Variants in GPR161 observed in about 807,000 individuals in gnomAD.
GPR161 encodes the protein G-protein coupled receptor RE2.
A neutral mutation model predicts 39.2 loss-of-function variants in GPR161; 25 were observed. The observed-to-expected ratio is 0.64, with a 90% CI of 0.47 to 0.89. The LOEUF is 0.89. Among genes scored for constraint, GPR161 ranks in the 40% least tolerant of loss-of-function variants. GPR161 has a pLI of 0.00. For missense variants in GPR161, 547 were observed against 677.8 expected (o/e 0.81, Z 2.14); for synonymous variants, 286 against 276.6 (o/e 1.03, Z -0.34).
Position 168,090,677 on chromosome 1 carries a change from C to G in GPR161, c.1100-9G>C. The stretch of plus-strand genomic sequence containing the variant: ...TGGGGACAGGCCCAGGTCTGAAAGA[C>G]AAAATTGGCATTGACAACACAATCA... On this transcript the variant is annotated splice_polypyrimidine_tract_variant and intron_variant, in intron 3 of 5. Coordinates refer to ENST00000682931, the MANE Select transcript of GPR161 (RefSeq NM_001375883.1). The G allele has an allele frequency of 1.9e-6, 3 of 1,546,838 alleles. No individual in the cohort carries two copies. The highest frequency in any genetic ancestry group is 2.7e-6 in the Non-Finnish European group (3 of 1,123,944).
chr1:168,135,884 A>G, intron 1 of GPR161: 4 of 316,114 alleles, frequency 1.3e-5, no homozygotes, highest in Non-Finnish European at 1.9e-5. Flanking sequence ...GCACTTTGCA[A>G]AAGGGATGAA....
At chr1:168,100,637 T>C (rs946345511) in intron 2 of GPR161, among the ~76,000 whole-genome samples, 1 of 152,210 alleles carries the variant, frequency 6.6e-6, no homozygotes, top group African/African-American at 2.4e-5. Context: ...TAGTAAGTTG[T>C]CTTCAGTGAA....
chr1:168,095,079 A>T (rs34192847), intron 3 of GPR161, among the ~76,000 whole-genome samples: 31,460 of 152,266 alleles, frequency 0.21, 3,971 homozygotes, highest in Admixed American at 0.37. Context: ...CAGGAAGGGC[A>T]CATCGCCCCT....
In GPR161 at chr1:168,123,651, T is replaced by C. The variant is rs954754200; in HGVS notation, c.-45+13088A>G. Among the ~76,000 whole-genome samples the C allele has an allele frequency of 2.6e-5, 4 of 151,750 alleles. 1 individual carries two copies. Among genetic ancestry groups the C allele is most frequent in the Non-Finnish European group, 5.9e-5 (4 of 67,976 alleles). ...TGGTGGAAAGCTATCCATTCTCCAA[T>C]ACAAAGGGACAGACTCAGCTGTGGC... On this transcript the variant is annotated intron_variant, in intron 1 of 5. Coordinates refer to ENST00000682931, the MANE Select transcript of GPR161 (RefSeq NM_001375883.1).
At chr1:168,086,346 C>T (rs189004683) in intron 5 of GPR161, among the ~76,000 whole-genome samples, 29 of 152,318 alleles carry the variant, frequency 1.9e-4, no homozygotes, top group Admixed American at 3.3e-4. Context: ...TAAACTAAAA[C>T]GAACAGAAGT....
At chr1:168,137,156 C>T, upstream of GPR161, 1 of 1,288,738 alleles carries the variant, frequency 7.8e-7, no homozygotes, top group Non-Finnish European at 9.8e-7. Context: ...CTCTTTGTCT[C>T]GCCCTTACCC....
At chr1:168,104,454 C>T (rs1696399844) in intron 2 of GPR161, 23 bp downstream of exon 2, 1 of 1,596,400 alleles carries the variant, frequency 6.3e-7, no homozygotes, top group Admixed American at 1.7e-5. Context: ...TCCCTCAATT[C>T]TCTAAGTCTG....
chr1:168,112,411 C>T (rs571824251), intron 1 of GPR161, among the ~76,000 whole-genome samples: 5 of 133,852 alleles, frequency 3.7e-5, no homozygotes, highest in East Asian at 5.2e-4. Context: ...ACCCGGGAGG[C>T]GGAGCTTGCA....
intron 1 of GPR161, among the ~76,000 whole-genome samples, chr1:168,111,593 A>G (rs1697175486): frequency 6.6e-6 from 1 of 152,242 alleles, no homozygotes; most frequent in Admixed American, 6.5e-5. Context: ...GCATGGCTGA[A>G]AAGAAAGGCT....
intron 1 of GPR161, among the ~76,000 whole-genome samples, chr1:168,125,621 C>CA (rs1370299812): frequency 4.4e-5 from 6 of 137,516 alleles, no homozygotes; most frequent in African/African-American, 9.3e-5. Context: ...TTGCTTCCCC[C>CA]CCCTTTTTTT....
chr1:168,112,921 C>T (rs1231642349), intron 1 of GPR161, among the ~76,000 whole-genome samples: 1 of 152,176 alleles, frequency 6.6e-6, no homozygotes, highest in Non-Finnish European at 1.5e-5. Context: ...TTAAGGCCTT[C>T]TGGTCCAATA....
At chr1:168,137,430 C>T (rs898399240), upstream of GPR161, 2 of 1,522,534 alleles carry the variant, frequency 1.3e-6, no homozygotes, top group African/African-American at 2.7e-5. Context: ...ATCCATCTGC[C>T]TTCTGCCAGG....
chr1:168,092,516 A>G (rs528604021), intron 3 of GPR161, among the ~76,000 whole-genome samples: 1 of 152,312 alleles, frequency 6.6e-6, no homozygotes, highest in Admixed American at 6.5e-5. Context: ...ACATGAAACA[A>G]TGTATTTACT....
chr1:168,137,398 C>G, upstream of GPR161: 9 of 1,535,912 alleles, frequency 5.9e-6, no homozygotes, highest in Non-Finnish European at 7.0e-6. Flanking sequence ...ACCTTTCATT[C>G]ATCCAGCCGA....
intron 2 of GPR161, 55 bp from the exon 3 acceptor site, chr1:168,097,287 G>T (rs533055740): frequency 6.5e-7 from 1 of 1,548,098 alleles, no homozygotes; most frequent in South Asian, 1.2e-5. Context: ...AGAGAAAACC[G>T]CTGCCTTCCT....
intron 3 of GPR161, among the ~76,000 whole-genome samples, chr1:168,092,323 C>T (rs1695146182): frequency 6.6e-6 from 1 of 152,190 alleles, no homozygotes; most frequent in Non-Finnish European, 1.5e-5. Flanking sequence ...TGGACACCAT[C>T]TCTGAGGCTG....
At chr1:168,111,123 G>A (rs1166952928) in intron 1 of GPR161, among the ~76,000 whole-genome samples, 1 of 152,194 alleles carries the variant, frequency 6.6e-6, no homozygotes, top group Admixed American at 6.5e-5. Flanking sequence ...AATACAGGAA[G>A]AATGGGCTAA....
At chr1:168,113,482 G>A (rs1317322707) in intron 1 of GPR161, among the ~76,000 whole-genome samples, 1 of 152,184 alleles carries the variant, frequency 6.6e-6, no homozygotes, top group Non-Finnish European at 1.5e-5. Context: ...TCCAGAAATA[G>A]TAAATTGTCT....
At chr1:168,090,502 C>CG in intron 4 of GPR161, 62 bp downstream of exon 4, 1 of 955,524 alleles carries the variant, frequency 1.0e-6, no homozygotes, top group Non-Finnish European at 1.7e-6. Context: ...AAACGCGACA[C>CG]GGGGGAAACG....
Sources: allele counts gnomAD v4.1 joint callset (sites outside exome capture counted in the v4.1 genomes callset), GRCh38; gene constraint gnomAD v4.1.1; transcripts MANE v1.5; gene names NCBI Gene and HGNC (gene_info 2026-07-23, HGNC 2026-07-21).